The following SLC20A2 variants were observed in gnomAD, a reference collection of about 807,000 sequenced individuals.
The protein encoded by SLC20A2 is solute carrier family 20 member 2.
A neutral mutation model predicts 61.0 loss-of-function variants in SLC20A2; 30 were observed. That is an observed-to-expected ratio of 0.49 (90% CI 0.37 to 0.67). SLC20A2 has a LOEUF of 0.67. Ranked by LOEUF, SLC20A2 falls within the 30% of genes least tolerant of loss-of-function variation. SLC20A2 has a pLI of 0.00. For synonymous variants in SLC20A2, 351 were observed against 353.3 expected (o/e 0.99, Z 0.07); for missense variants, 626 against 866.4 (o/e 0.72, Z 3.48).
At chr8:42,449,994 CACAG>C (rs1167305601) in intron 5 of SLC20A2, among the ~76,000 whole-genome samples, 4 of 152,198 alleles carry the variant, frequency 2.6e-5, no homozygotes, top group African/African-American at 7.2e-5. Context: ...CATGCACACA[CACAG>C]AGATTACCTC....
intron 5 of SLC20A2, among the ~76,000 whole-genome samples, chr8:42,447,972 C>A (rs560264791): frequency 1.3e-5 from 2 of 152,330 alleles, no homozygotes; most frequent in African/African-American, 4.8e-5. Flanking sequence ...GCCGCTTGTG[C>A]GACCCCTTGG....
intron 5 of SLC20A2, among the ~76,000 whole-genome samples, chr8:42,453,908 A>G (rs1482379023): frequency 6.6e-6 from 1 of 152,248 alleles, no homozygotes; most frequent in East Asian, 1.9e-4. Context: ...GTAACAAAAC[A>G]GCCTCTAACA....
intron 1 of SLC20A2, among the ~76,000 whole-genome samples, chr8:42,476,192 G>T (rs1484512486): frequency 1.4e-5 from 2 of 144,816 alleles, no homozygotes. Flanking sequence ...CGCCTCCTGG[G>T]TTCACGCCAT....
At chr8:42,528,680 T>C (rs942622714) in intron 1 of SLC20A2, among the ~76,000 whole-genome samples, 21 of 151,984 alleles carry the variant, frequency 1.4e-4, no homozygotes, top group Non-Finnish European at 2.2e-4. Context: ...TTTTTTAATT[T>C]TTTTTGAGAT....
intron 5 of SLC20A2, among the ~76,000 whole-genome samples, chr8:42,451,163 T>A (rs1184618129): frequency 7.3e-6 from 1 of 136,468 alleles, no homozygotes; most frequent in Non-Finnish European, 1.6e-5. Flanking sequence ...GAGGAAGAGG[T>A]GGAAGAAGAG....
Position 42,522,909 on chromosome 8 carries a change from T to C in SLC20A2, c.-265+18912A>G, listed in dbSNP as rs1476351037. Among the ~76,000 whole-genome samples the C allele has an allele frequency of 5.3e-4, 23 of 43,522 alleles. 1 individual carries two copies. Among genetic ancestry groups the C allele is most frequent in the African/African-American group, 1.4e-3 (12 of 8,492 alleles). 28.6% of individuals were successfully genotyped at this position (43,522 alleles called of 152,430 possible). A position where few individuals can be genotyped will look rare whatever the true frequency, so the allele number is the denominator to read the frequency against. Reference sequence around the variant, plus strand: ...AAAAAAATCTGTAGAGATGGCGGGGTGGGGGGGGTCTCTCTGTGTTGCCCA... The same window carrying C: ...AAAAAAATCTGTAGAGATGGCGGGGCGGGGGGGGTCTCTCTGTGTTGCCCA... On this transcript the variant is annotated intron_variant, in intron 1 of 10. Transcript: ENST00000342228.
intron 1 of SLC20A2, among the ~76,000 whole-genome samples, chr8:42,526,444 T>C (rs577750453): frequency 1.9e-4 from 29 of 151,382 alleles, no homozygotes; most frequent in East Asian, 7.8e-4. Flanking sequence ...GAGGCCAAGG[T>C]GGGCGGATCA....
chr8:42,423,354 A>G (rs1270108614), intron 10 of SLC20A2, among the ~76,000 whole-genome samples: 1 of 150,744 alleles, frequency 6.6e-6, no homozygotes, highest in Non-Finnish European at 1.5e-5. Flanking sequence ...TTTAATTTAA[A>G]TTTTAACTTT....
intron 1 of SLC20A2, among the ~76,000 whole-genome samples, chr8:42,514,289 A>G (rs1448662341): frequency 6.6e-6 from 1 of 152,246 alleles, no homozygotes; most frequent in Non-Finnish European, 1.5e-5. Context: ...TAGGATAGCA[A>G]TAGAAAAACA....
intron 1 of SLC20A2, among the ~76,000 whole-genome samples, chr8:42,532,404 A>G (rs1288262448): frequency 6.6e-6 from 1 of 152,140 alleles, no homozygotes; most frequent in Non-Finnish European, 1.5e-5. Context: ...CTTTCAAGGG[A>G]GTGATAAATG....
At chr8:42,537,694 T>C (rs1812796486) in intron 1 of SLC20A2, 1 of 152,216 alleles carries the variant, frequency 6.6e-6, no homozygotes, top group Non-Finnish European at 1.5e-5. Flanking sequence ...CCACCATCTT[T>C]AGTCATTTCA....
intron 7 of SLC20A2, among the ~76,000 whole-genome samples, chr8:42,438,741 G>GA (rs529259285): frequency 6.6e-6 from 1 of 151,902 alleles, no homozygotes; most frequent in South Asian, 2.1e-4. Context: ...TTTTGAGATG[G>GA]AATCTCACTC....
chr8:42,502,003 CG>C (rs1397661091), upstream of SLC20A2, among the ~76,000 whole-genome samples: 4 of 152,164 alleles, frequency 2.6e-5, no homozygotes, highest in Non-Finnish European at 5.9e-5. Flanking sequence ...GACACAAAAC[CG>C]CTTAGTATCT....
upstream of SLC20A2, among the ~76,000 whole-genome samples, chr8:42,505,754 G>A (rs1184977204): frequency 4.0e-5 from 6 of 151,820 alleles, no homozygotes; most frequent in South Asian, 8.3e-4. Flanking sequence ...AGCCGGGCAC[G>A]GTCACACATA....
At chr8:42,528,986 A>T (rs112512660) in intron 1 of SLC20A2, among the ~76,000 whole-genome samples, 1 of 142,924 alleles carries the variant, frequency 7.0e-6, no homozygotes. Context: ...TATTATTATT[A>T]TTTTTTGAGA....
intron 6 of SLC20A2, among the ~76,000 whole-genome samples, chr8:42,443,850 A>G (rs6995643): frequency 0.12 from 18,302 of 152,210 alleles, 2,847 homozygotes; most frequent in African/African-American, 0.37. Context: ...ACTTTTAAAT[A>G]AAAATTTAAG....
intron 1 of SLC20A2, among the ~76,000 whole-genome samples, chr8:42,480,668 A>T (rs1405588401): frequency 6.6e-6 from 1 of 151,824 alleles, no homozygotes; most frequent in Non-Finnish European, 1.5e-5. Context: ...TTATTCCTTT[A>T]TTTTTAGTTT....
intron 10 of SLC20A2, among the ~76,000 whole-genome samples, chr8:42,419,265 G>A (rs1585971602): frequency 6.6e-6 from 1 of 151,974 alleles, no homozygotes; most frequent in Non-Finnish European, 1.5e-5. Flanking sequence ...TTATGACGAT[G>A]GCTATAAAAT....
In SLC20A2 at chr8:42,517,247, A is replaced by G. The variant is rs922843643; in HGVS notation, c.-265+24574T>C. On this transcript the variant is annotated intron_variant, in intron 1 of 10. Transcript: ENST00000342228. ...GCTGGGCGAGGTGGCTCATGCCTGT[A>G]ATCCCAGCACTTTGGGAGGGTGAGG... Among the ~76,000 whole-genome samples, 70 of 152,138 alleles carry G rather than the reference A, an allele frequency of 4.6e-4. 1 individual carries two copies. The highest frequency in any genetic ancestry group is 1.6e-3 in the African/African-American group (66 of 41,510).
Sources: allele counts gnomAD v4.1 joint callset (sites outside exome capture counted in the v4.1 genomes callset), GRCh38; gene constraint gnomAD v4.1.1; transcripts MANE v1.5; gene names NCBI Gene and HGNC (gene_info 2026-07-23, HGNC 2026-07-21).